Variants in TRMT10A observed in about 807,000 individuals in gnomAD.
The protein encoded by TRMT10A is tRNA methyltransferase 10A.
In TRMT10A, 37 loss-of-function variants were observed where a neutral mutation model predicts 40.4. The observed-to-expected ratio is 0.92, with a 90% CI of 0.71 to 1.21. The LOEUF (loss-of-function observed/expected upper bound fraction) is 1.21. TRMT10A is among the 50% of genes most tolerant of loss of function. The pLI is 0.00. For synonymous variants in TRMT10A, 103 were observed against 134.1 expected (o/e 0.77, Z 1.60); for missense variants, 388 against 404.3 (o/e 0.96, Z 0.35).
At position 99,564,025 on chromosome 4, in the gene TRMT10A, C is replaced by G. The variant is rs1034217446; in HGVS notation, c.-136G>C. The G allele has an allele frequency of 1.2e-5, 18 of 1,507,328 alleles. No individual in the cohort carries two copies. In the African/African-American group the frequency reaches 2.4e-4, roughly 20 times the overall value. The allele number at this position is 1,507,328 out of a possible 1,614,324, so 93.4% of individuals were successfully genotyped here. Reference sequence around the variant, plus strand: ...AAACTTCAATTCCCAGAGGCAGGGGCGGTAGTTACGCAGTGGAGGCTACGG... The same window carrying G: ...AAACTTCAATTCCCAGAGGCAGGGGGGGTAGTTACGCAGTGGAGGCTACGG... On this transcript the variant is annotated 5_prime_UTR_variant, in exon 1 of 8. Coordinates refer to ENST00000394876, the MANE Select transcript of TRMT10A (RefSeq NM_001134665.3).
intron 1 of TRMT10A, chr4:99,563,535 C>T (rs1724547210): frequency 8.6e-6 from 2 of 232,042 alleles, no homozygotes; most frequent in African/African-American, 2.3e-5. Context: ...TACAGATTTC[C>T]CACTGATTCT....
intron 1 of TRMT10A, among the ~76,000 whole-genome samples, chr4:99,562,187 TTA>T (rs989324185): frequency 2.2e-4 from 30 of 137,064 alleles, no homozygotes; most frequent in Non-Finnish European, 2.9e-4. Flanking sequence ...AAAAAAAAAA[TTA>T]TATATATATA....
In TRMT10A at chr4:99,547,545, C is replaced by G. The variant is rs1723784510; in HGVS notation, c.*1543G>C. 1 of 151,964 alleles carries G rather than the reference C, an allele frequency of 6.6e-6. No homozygotes were observed. The highest frequency in any genetic ancestry group is 6.6e-5 in the Admixed American group (1 of 15,234). The allele number at this position is 151,964 out of a possible 1,614,324, so 9.4% of individuals were successfully genotyped here. On this transcript the variant is annotated 3_prime_UTR_variant, in exon 8 of 8. Coordinates refer to ENST00000394876, the MANE Select transcript of TRMT10A (RefSeq NM_001134665.3). Reference sequence around the variant, plus strand: ...TAAGTAAAAGGCATAATATTTCATGCTAATAAACCACATTTACTCAGAAAA... The same window carrying G: ...TAAGTAAAAGGCATAATATTTCATGGTAATAAACCACATTTACTCAGAAAA...
chr4:99,558,274 TA>T, intron 2 of TRMT10A, 63 bp from the exon 3 acceptor site: 1 of 1,312,770 alleles, frequency 7.6e-7, no homozygotes, highest in Non-Finnish European at 1.0e-6. Context: ...AAGACTCTTC[TA>T]AATAAACAAT....
At chr4:99,550,639 T>A (rs1247982019) in intron 7 of TRMT10A, among the ~76,000 whole-genome samples, 1 of 152,068 alleles carries the variant, frequency 6.6e-6, no homozygotes, top group Non-Finnish European at 1.5e-5. Context: ...GAACTAGAGG[T>A]CAACACCAAA....
At chr4:99,555,283 A>G (rs911863285) in intron 5 of TRMT10A, among the ~76,000 whole-genome samples, 7 of 152,180 alleles carry the variant, frequency 4.6e-5, no homozygotes, top group African/African-American at 1.7e-4. Context: ...AATAAAATAA[A>G]TGCCTTTGTT....
At position 99,548,175 on chromosome 4, in the gene TRMT10A, A is replaced by T. The variant is rs1271818560; in HGVS notation, c.*913T>A. Reference sequence around the variant, plus strand: ...ATAGTTATGTATTTACATGCATATTATCACATGTGTATTTGATTTATAGAA... The same window carrying T: ...ATAGTTATGTATTTACATGCATATTTTCACATGTGTATTTGATTTATAGAA... On this transcript the variant is annotated 3_prime_UTR_variant, in exon 8 of 8. Coordinates refer to ENST00000394876, the MANE Select transcript of TRMT10A (RefSeq NM_001134665.3). 6.7e-6 allele frequency: 1 copy of T among 148,356 alleles called. No individual in the cohort carries two copies. Among genetic ancestry groups the T allele is most frequent in the Non-Finnish European group, 1.5e-5 (1 of 66,764 alleles). 9.2% of individuals were successfully genotyped at this position (148,356 alleles called of 1,614,324 possible). A position where few individuals can be genotyped will look rare whatever the true frequency, so the allele number is the denominator to read the frequency against.
At position 99,563,899 on chromosome 4, in the gene TRMT10A, G is replaced by T. The variant is rs1481714310; in HGVS notation, c.-24+14C>A. The T allele has an allele frequency of 1.4e-6, 1 of 737,830 alleles. No homozygotes were observed. The highest frequency in any genetic ancestry group is 2.7e-5 in the East Asian group (1 of 37,118). The allele number at this position is 737,830 out of a possible 1,614,324, so 45.7% of individuals were successfully genotyped here. On this transcript the variant is annotated intron_variant, in intron 1 of 7. Coordinates refer to ENST00000394876, the MANE Select transcript of TRMT10A (RefSeq NM_001134665.3). ...ATAGTGCGGGGGAGCGCCAACCAGT[G>T]CCAGGACACTTACCGAGCTGAAGAG... is the stretch of plus-strand genomic sequence containing the variant.
In TRMT10A at chr4:99,554,002, TTC is replaced by T. The variant is rs1192661265; in HGVS notation, c.496-70_496-69del. 2.7e-6 allele frequency: 4 copies of T among 1,502,328 alleles called. No homozygotes were observed. In the African/African-American group the frequency reaches 4.2e-5, roughly 16 times the overall value. 93.1% of individuals were successfully genotyped at this position (1,502,328 alleles called of 1,614,324 possible). On this transcript the variant is annotated intron_variant, in intron 5 of 7. Transcript: ENST00000394876. ...TATGAAAGTTGGCTAAAAATGATTA[TTC>T]TCTTTTCCCAAAACAAATCCATTCA...
intron 1 of TRMT10A, among the ~76,000 whole-genome samples, chr4:99,562,940 GC>G (rs915523891): frequency 5.3e-5 from 8 of 152,028 alleles, no homozygotes; most frequent in Non-Finnish European, 1.0e-4. Context: ...TCCTGCCTCA[GC>G]CCCCCCAGTA....
At chr4:99,549,412 C>A (rs556101876) in intron 7 of TRMT10A, 56 bp from the exon 8 acceptor site, 9 of 1,583,074 alleles carry the variant, frequency 5.7e-6, no homozygotes, top group Non-Finnish European at 7.7e-6. Flanking sequence ...CAATGCTGCA[C>A]AATGTCTTTT....
rs935054346 is a variant in TRMT10A at position 99,549,035 on chromosome 4, A to T, written c.*53T>A. On this transcript the variant is annotated 3_prime_UTR_variant, in exon 8 of 8. Transcript: ENST00000394876. The stretch of plus-strand genomic sequence containing the variant: ...TTCTTCCAATTTCAATATTCTATAT[A>T]GCACCTCACTTTCTCCTAATTTTTC... 20 of 1,578,210 alleles carry T rather than the reference A, an allele frequency of 1.3e-5. No individual in the cohort carries two copies. Among genetic ancestry groups the T allele is most frequent in the Admixed American group, 1.0e-4 (6 of 58,832 alleles).
chr4:99,551,069 TAAGATTTATAGTTCAG>T, intron 6 of TRMT10A, 79 bp from the exon 7 acceptor site: 2 of 1,032,624 alleles, frequency 1.9e-6, no homozygotes, highest in Non-Finnish European at 2.8e-6. Flanking sequence ...AATTTTTAGA[TAAGATTTATAGTTCAG>T]AGAATTTATA....
At position 99,548,304 on chromosome 4, in the gene TRMT10A, A is replaced by C. The variant is rs79500636; in HGVS notation, c.*784T>G. ...ATTTAAAAAAAATATGGAAAAAAAAACCACAGCTGCTAAGAGCTGTTCCAT... is the reference window on the plus strand; with the variant it reads ...ATTTAAAAAAAATATGGAAAAAAAACCCACAGCTGCTAAGAGCTGTTCCAT... On this transcript the variant is annotated 3_prime_UTR_variant, in exon 8 of 8. Transcript: ENST00000394876. 9 of 152,120 alleles carry C rather than the reference A, an allele frequency of 5.9e-5. No individual in the cohort carries two copies. The highest frequency in any genetic ancestry group is 9.6e-5 in the African/African-American group (4 of 41,458). 9.4% of individuals were successfully genotyped at this position (152,120 alleles called of 1,614,324 possible). A position where few individuals can be genotyped will look rare whatever the true frequency, so the allele number is the denominator to read the frequency against.
chr4:99,561,262 G>A (rs1400387714), intron 1 of TRMT10A, among the ~76,000 whole-genome samples: 1 of 152,098 alleles, frequency 6.6e-6, no homozygotes, highest in Non-Finnish European at 1.5e-5. Flanking sequence ...ACCAGGCCCG[G>A]CCTACGTGAA....
At chr4:99,553,252 C>T (rs923028512) in intron 6 of TRMT10A, among the ~76,000 whole-genome samples, 2 of 151,926 alleles carry the variant, frequency 1.3e-5, no homozygotes, top group African/African-American at 2.4e-5. Flanking sequence ...ATGTAGCTGG[C>T]GAAGTACAAA....
At chr4:99,552,890 G>GT (rs1371297514) in intron 6 of TRMT10A, among the ~76,000 whole-genome samples, 43 of 150,454 alleles carry the variant, frequency 2.9e-4, no homozygotes, top group African/African-American at 9.6e-4. Flanking sequence ...ATACTTGGTG[G>GT]GGGGGGGAGG....
At position 99,549,149 on chromosome 4, in the gene TRMT10A, T is replaced by A; in HGVS notation, c.959A>T (p.His320Leu). ...ATTTTCCTTATCCTGCTTTTCTTCA[T>A]GTGGTGAATCTAGTTCATTTCTGCT... ...EYSRNELDSP[H>L]EEKQDKENHT... Residue 320 changes from histidine to leucine, a missense_variant, in exon 8 of 8, where the codon CAT becomes CTT. His to Leu is a moderately conservative substitution (Grantham distance 99). Coordinates refer to ENST00000394876, the MANE Select transcript of TRMT10A (RefSeq NM_001134665.3). The A allele has an allele frequency of 6.2e-7, 1 of 1,614,100 alleles. No homozygotes were observed. Among genetic ancestry groups the A allele is most frequent in the Non-Finnish European group, 8.5e-7 (1 of 1,179,964 alleles).
intron 6 of TRMT10A, 77 bp downstream of exon 6, chr4:99,553,708 A>G: frequency 7.2e-7 from 1 of 1,393,518 alleles, no homozygotes; most frequent in South Asian, 1.3e-5. Flanking sequence ...TATCATTAGT[A>G]TTATTGTTAC....
Sources: allele counts gnomAD v4.1 joint callset (sites outside exome capture counted in the v4.1 genomes callset), GRCh38; gene constraint gnomAD v4.1.1; transcripts MANE v1.5; gene names NCBI Gene and HGNC (gene_info 2026-07-23, HGNC 2026-07-21).